The following ZNF490 variants were observed in gnomAD, a reference collection of about 807,000 sequenced individuals.
ZNF490 encodes the protein zinc finger protein 490.
Under a neutral mutation model 17.7 loss-of-function variants are expected in ZNF490, and 11 were observed. The observed-to-expected ratio is 0.62, with a 90% CI of 0.39 to 1.03. The LOEUF is 1.03. Among genes scored for constraint, ZNF490 ranks in the 50% least tolerant of loss-of-function variants. The probability of loss-of-function intolerance (pLI) is 0.00; values close to 1 mark genes in which losing one functional copy is unlikely to be tolerated. For missense variants in ZNF490, 542 were observed against 643.4 expected (o/e 0.84, Z 1.71); for synonymous variants, 222 against 216.1 (o/e 1.03, Z -0.24).
At chr19:12,598,585 G>A (rs1400222827) in intron 2 of ZNF490, among the ~76,000 whole-genome samples, 5 of 151,466 alleles carry the variant, frequency 3.3e-5, no homozygotes, top group Admixed American at 3.3e-4. Context: ...TGTTGGTCAG[G>A]CTGGTCTCGA....
intron 2 of ZNF490, chr19:12,597,230 G>A (rs2022945727): frequency 2.2e-6 from 1 of 457,412 alleles, no homozygotes; most frequent in Non-Finnish European, 4.4e-6. Flanking sequence ...CAAAGCATAC[G>A]CAGAGCCACA....
chr19:12,590,929 A>G (rs1343531259), intron 2 of ZNF490, among the ~76,000 whole-genome samples: 2 of 151,742 alleles, frequency 1.3e-5, no homozygotes, highest in South Asian at 4.1e-4. Context: ...TTTAAAAAAA[A>G]AAAAATTTTT....
chr19:12,582,899 T>C lies in ZNF490; in HGVS notation c.301A>G (p.Lys101Glu). ...KNLACIGEKW[K>E]DQDIEDEHKN... ...TGTTCATCTTCAATATCCTGGTCTTTCCATTTTTCCCCTAAAATACAAGCC... is the reference window on the plus strand; with the variant it reads ...TGTTCATCTTCAATATCCTGGTCTTCCCATTTTTCCCCTAAAATACAAGCC... The change falls in exon 4 of 5, where the codon AAA (lysine) becomes GAA (glutamate). Residue 101 changes from lysine (K) to glutamate (E), a missense_variant. Coordinates refer to ENST00000311437, the MANE Select transcript of ZNF490 (RefSeq NM_020714.3). The C allele has an allele frequency of 1.9e-6, 3 of 1,611,912 alleles. No individual in the cohort carries two copies. The highest frequency in any genetic ancestry group is 2.2e-5 in the South Asian group (2 of 90,340).
chr19:12,603,354 G>T (rs956049220), intron 2 of ZNF490, among the ~76,000 whole-genome samples: 15 of 152,058 alleles, frequency 9.9e-5, no homozygotes, highest in African/African-American at 3.6e-4. Context: ...AGGCATAGGG[G>T]TGTGTGCCTA....
At chr19:12,593,910 G>C (rs1379934010) in intron 2 of ZNF490, among the ~76,000 whole-genome samples, 1 of 152,164 alleles carries the variant, frequency 6.6e-6, no homozygotes, top group Non-Finnish European at 1.5e-5. Context: ...TATGCTGAAG[G>C]CTAACATTTG....
At chr19:12,598,476 G>T (rs1269903580) in intron 2 of ZNF490, among the ~76,000 whole-genome samples, 1 of 150,612 alleles carries the variant, frequency 6.6e-6, no homozygotes, top group Non-Finnish European at 1.5e-5. Context: ...CCGGGTTCAA[G>T]CGATTCTCCC....
In ZNF490 at chr19:12,580,762, C is replaced by T; in HGVS notation, c.1313G>A (p.Arg438Lys). 6.2e-7 allele frequency: 1 copy of T among 1,614,178 alleles called. No individual in the cohort carries two copies. The highest frequency in any genetic ancestry group is 1.1e-5 in the South Asian group (1 of 91,082). The change falls in exon 5 of 5, where the codon AGA (arginine) becomes AAA (lysine). Residue 438 changes from arginine to lysine, a missense_variant. By Grantham distance (26) the Arg-to-Lys change is conservative (BLOSUM62 2). Coordinates refer to ENST00000311437, the MANE Select transcript of ZNF490 (RefSeq NM_020714.3). ...ATAGGGTTTCTCTCTAGTATGGGTT[C>T]TTTCATGGATTCGAAAGTGAGTGGA... ...LYSTHFRIHE[R>K]THTREKPYEC...
chr19:12,599,197 A>C (rs1263496085), intron 2 of ZNF490, among the ~76,000 whole-genome samples: 1 of 151,274 alleles, frequency 6.6e-6, no homozygotes, highest in African/African-American at 2.4e-5. Flanking sequence ...AGACATAAAG[A>C]AAGTTATAAA....
chr19:12,596,772 C>T (rs956683702), intron 2 of ZNF490, among the ~76,000 whole-genome samples: 1 of 152,168 alleles, frequency 6.6e-6, no homozygotes, highest in Admixed American at 6.5e-5. Flanking sequence ...TCTGGGAGCT[C>T]CACACGCCCT....
At chr19:12,608,614 G>A (rs1428621738) in intron 2 of ZNF490, among the ~76,000 whole-genome samples, 5 of 151,942 alleles carry the variant, frequency 3.3e-5, no homozygotes, top group African/African-American at 7.3e-5. Flanking sequence ...GAGATTACAG[G>A]TGTGCCTCCC....
Position 12,583,525 on chromosome 19 carries a change from T to A in ZNF490, c.194A>T (p.Asn65Ile). The A allele has an allele frequency of 6.2e-7, 1 of 1,604,804 alleles. No individual in the cohort carries two copies. The highest frequency in any genetic ancestry group is 8.5e-7 in the Non-Finnish European group (1 of 1,174,004). Residue 65 changes from asparagine to isoleucine, a missense_variant, in exon 3 of 5, where the codon AAC becomes ATC. Physicochemically the swap from Asn to Ile is moderately radical, Grantham distance 149. Coordinates refer to ENST00000311437, the MANE Select transcript of ZNF490 (RefSeq NM_020714.3). The stretch of plus-strand genomic sequence containing the variant: ...CAAAGCCCACTCCTCCAGGGTGAAG[T>A]TCACAGCCACATCCTCAAGGGAGAT... ...DSISLEDVAV[N>I]FTLEEWALLD...
chr19:12,593,394 C>A (rs865810549), intron 2 of ZNF490, among the ~76,000 whole-genome samples: 4 of 152,060 alleles, frequency 2.6e-5, no homozygotes, highest in Middle Eastern at 3.4e-3. Flanking sequence ...ATTACAGGCA[C>A]GAGCCACCAC....
chr19:12,582,356 G>C (rs1012453895), intron 4 of ZNF490, among the ~76,000 whole-genome samples: 1 of 151,826 alleles, frequency 6.6e-6, no homozygotes, highest in Non-Finnish European at 1.5e-5. Flanking sequence ...CCTACCAAAG[G>C]CTGGGATTAG....
In ZNF490 at chr19:12,577,920, T is replaced by A. The variant is rs1276254661; in HGVS notation, c.*2565A>T. ...TCCAACAAAGGACAGACCCGACCCCTATCGTGCCTATGCAATTCAGAAAAC... is the reference window on the plus strand; with the variant it reads ...TCCAACAAAGGACAGACCCGACCCCAATCGTGCCTATGCAATTCAGAAAAC... On this transcript the variant is annotated 3_prime_UTR_variant, in exon 5 of 5. Transcript: ENST00000311437. The A allele has an allele frequency of 1.0e-6, 1 of 985,438 alleles. No individual in the cohort carries two copies. The highest frequency in any genetic ancestry group is 1.2e-6 in the Non-Finnish European group (1 of 829,954). 61.0% of individuals were successfully genotyped at this position (985,438 alleles called of 1,614,324 possible).
intron 2 of ZNF490, among the ~76,000 whole-genome samples, chr19:12,601,641 G>A (rs1287227734): frequency 1.3e-5 from 2 of 151,900 alleles, no homozygotes; most frequent in Admixed American, 6.6e-5. Flanking sequence ...CACTGTGCTC[G>A]GCCCAATTTT....
chr19:12,595,559 G>A (rs1599310027), intron 2 of ZNF490, among the ~76,000 whole-genome samples: 2 of 151,134 alleles, frequency 1.3e-5, no homozygotes, highest in African/African-American at 2.4e-5. Flanking sequence ...ATATGCTTCC[G>A]GTTATCTTCC....
intron 2 of ZNF490, among the ~76,000 whole-genome samples, chr19:12,583,811 ATTT>A (rs879747918): frequency 0.018 from 1,429 of 78,528 alleles, 8 homozygotes; most frequent in East Asian, 0.033. Flanking sequence ...ATATATATAT[ATTT>A]TTTTTTTTTT....
chr19:12,609,244 T>A, intron 1 of ZNF490, 42 bp from the exon 2 acceptor site: 1 of 1,584,968 alleles, frequency 6.3e-7, no homozygotes, highest in Non-Finnish European at 8.7e-7. Context: ...GTTTCAGCAA[T>A]TTAGAACTAA....
Position 12,602,639 on chromosome 19 carries a change from G to A in ZNF490, c.162+6519C>T, listed in dbSNP as rs921609143. 3.8e-5 allele frequency among the ~76,000 whole-genome samples: 3 copies of A among 77,964 alleles called. No individual in the cohort carries two copies. The East Asian group carries it at 1.0e-3, about 26-fold the overall frequency. The allele number at this position is 77,964 out of a possible 152,430, so 51.1% of individuals were successfully genotyped here. On this transcript the variant is annotated intron_variant, in intron 2 of 4. Coordinates refer to ENST00000311437, the MANE Select transcript of ZNF490 (RefSeq NM_020714.3). Reference sequence around the variant, plus strand: ...TGTATATTTCTTTTTTTTTTTTTTTGTCGAGACAAGGTTTCACTATGGTTA... The same window carrying A: ...TGTATATTTCTTTTTTTTTTTTTTTATCGAGACAAGGTTTCACTATGGTTA...
Sources: allele counts gnomAD v4.1 joint callset (sites outside exome capture counted in the v4.1 genomes callset), GRCh38; gene constraint gnomAD v4.1.1; transcripts MANE v1.5; gene names NCBI Gene and HGNC (gene_info 2026-07-23, HGNC 2026-07-21).